CRYBG1: variants seen among roughly 807,000 people sequenced by gnomAD.
CRYBG1 encodes the protein beta/gamma crystallin domain-containing protein 1.
CRYBG1 carries 139 observed loss-of-function variants against 189.2 expected under a neutral mutation model. The ratio of observed to expected loss-of-function variants is 0.73; its 90% CI spans 0.64 to 0.85. The LOEUF (loss-of-function observed/expected upper bound fraction) is 0.85, where lower values mean the gene tolerates loss of function less well. Ranked by LOEUF, CRYBG1 falls within the 40% of genes least tolerant of loss-of-function variation. The probability of loss-of-function intolerance (pLI) is 0.00; values close to 1 mark genes in which losing one functional copy is unlikely to be tolerated. For synonymous variants in CRYBG1, 1,023 were observed against 1,017.1 expected (o/e 1.01, Z -0.11); for missense variants, 2,611 against 2,675.8 (o/e 0.98, Z 0.53).
At chr6:106,426,711 A>G (rs546838177) in intron 1 of CRYBG1, among the ~76,000 whole-genome samples, 2 of 152,318 alleles carry the variant, frequency 1.3e-5, no homozygotes, top group South Asian at 2.1e-4. Flanking sequence ...TGTTCCCTGC[A>G]CGCAGCTGGC....
At chr6:106,409,435 T>C (rs1770884332) in intron 1 of CRYBG1, among the ~76,000 whole-genome samples, 1 of 152,088 alleles carries the variant, frequency 6.6e-6, no homozygotes, top group South Asian at 2.1e-4. Context: ...ATTGTGAAAA[T>C]GGCCATACTT....
chr6:106,443,827 T>C (rs1771608961), intron 1 of CRYBG1, among the ~76,000 whole-genome samples: 1 of 152,224 alleles, frequency 6.6e-6, no homozygotes, highest in Non-Finnish European at 1.5e-5. Context: ...AAATGGGGTA[T>C]CTTTCACCTC....
At chr6:106,517,339 T>TACAC (rs201866667) in intron 3 of CRYBG1, among the ~76,000 whole-genome samples, 1 of 127,578 alleles carries the variant, frequency 7.8e-6, no homozygotes, top group African/African-American at 2.9e-5. Flanking sequence ...CACATATATA[T>TACAC]ATACACACAC....
intron 2 of CRYBG1, among the ~76,000 whole-genome samples, chr6:106,483,408 T>TGTATATA (rs1241386087): frequency 8.2e-6 from 1 of 121,544 alleles, no homozygotes. Context: ...ATATAAAACA[T>TGTATATA]TTTCTTTATC....
At chr6:106,507,734 G>T (rs1008763119) in intron 2 of CRYBG1, among the ~76,000 whole-genome samples, 4 of 152,130 alleles carry the variant, frequency 2.6e-5, no homozygotes, top group Non-Finnish European at 4.4e-5. Context: ...ACAATTCCTG[G>T]TTGAAAAGAA....
chr6:106,384,996 C>G (rs1172080231), intron 1 of CRYBG1, among the ~76,000 whole-genome samples: 1 of 152,096 alleles, frequency 6.6e-6, no homozygotes, highest in Non-Finnish European at 1.5e-5. Context: ...GCCACTTTAT[C>G]TGCCGACTTG....
In CRYBG1 at chr6:106,451,793, G is replaced by A. The variant is rs9486348; in HGVS notation, c.273G>A (p.Ala91=). ...ESQFFHTTSE[A]LGSLLLESGI... is the part of the protein sequence containing the mutation. ...AGTTCTTCCACACCACCAGTGAGGC[G>A]CTTGGTTCCTTACTTCTAGAGTCTG... is the stretch of plus-strand genomic sequence containing the variant. The change falls in exon 2 of 22, where the codon GCG becomes GCA. Residue 91 remains alanine (A), a synonymous_variant. Coordinates refer to ENST00000633556, the MANE Select transcript of CRYBG1 (RefSeq NM_001371242.2). The A allele has an allele frequency of 2.8e-3, 4,329 of 1,534,794 alleles. 108 individuals are homozygous for A. The African/African-American group carries it at 0.052, about 18-fold the overall frequency.
At chr6:106,417,725 C>T (rs769223172) in intron 1 of CRYBG1, among the ~76,000 whole-genome samples, 14 of 152,344 alleles carry the variant, frequency 9.2e-5, no homozygotes, top group African/African-American at 2.4e-4. Flanking sequence ...TGTGAGAGAG[C>T]GAGTGCAGGA....
chr6:106,563,742 T>C (rs968311810), intron 20 of CRYBG1, 22 bp from the exon 21 acceptor site: 6 of 1,584,714 alleles, frequency 3.8e-6, no homozygotes, highest in Non-Finnish European at 5.2e-6. Context: ...ATTTAAGATA[T>C]CTGGTCTTTT....
chr6:106,436,714 G>A (rs1238700809), intron 1 of CRYBG1, among the ~76,000 whole-genome samples: 2 of 152,068 alleles, frequency 1.3e-5, no homozygotes, highest in Admixed American at 6.5e-5. Context: ...ACCTGAATGG[G>A]TTTTTTGCAA....
intron 1 of CRYBG1, among the ~76,000 whole-genome samples, chr6:106,370,324 G>T (rs1159114276): frequency 6.6e-6 from 1 of 152,180 alleles, no homozygotes; most frequent in Admixed American, 6.5e-5. Context: ...CCTGACACAG[G>T]CAGGAGAATG....
chr6:106,473,487 C>T (rs1405720869), intron 2 of CRYBG1, among the ~76,000 whole-genome samples: 1 of 152,100 alleles, frequency 6.6e-6, no homozygotes, highest in Middle Eastern at 3.2e-3. Context: ...TTCCTTGCTC[C>T]CTCAGCTGAG....
rs139631681 is a variant in CRYBG1 at position 106,533,135 on chromosome 6, G to T, written c.4718+2820G>T. On this transcript the variant is annotated intron_variant, in intron 8 of 21. Coordinates refer to ENST00000633556, the MANE Select transcript of CRYBG1 (RefSeq NM_001371242.2). ...GAGGGGCAGGCATGTTGCTATTTTA[G>T]ATAGGGTAGCTAGTAAAGGACTCTG... Among the ~76,000 whole-genome samples, 3 of 152,310 alleles carry T rather than the reference G, an allele frequency of 2.0e-5. No individual in the cohort carries two copies. In the East Asian group the frequency reaches 5.8e-4, roughly 29 times the overall value.
At chr6:106,567,612 T>C (rs1450696761) in intron 21 of CRYBG1, among the ~76,000 whole-genome samples, 1 of 152,152 alleles carries the variant, frequency 6.6e-6, no homozygotes, top group Non-Finnish European at 1.5e-5. Context: ...TCTTTGTTGA[T>C]ACATCCTTGG....
intron 8 of CRYBG1, among the ~76,000 whole-genome samples, chr6:106,534,254 G>T (rs1582823417): frequency 6.6e-6 from 1 of 152,124 alleles, no homozygotes; most frequent in African/African-American, 2.4e-5. Context: ...GTTTAGCTTT[G>T]CCTCCTGGGT....
intron 13 of CRYBG1, among the ~76,000 whole-genome samples, chr6:106,551,257 A>G (rs1676008): frequency 0.88 from 134,300 of 152,142 alleles, 59,712 homozygotes; most frequent in South Asian, 0.96. Flanking sequence ...TTGCTCATAA[A>G]TATTTGGTAT....
intron 1 of CRYBG1, among the ~76,000 whole-genome samples, chr6:106,408,606 T>C (rs898756735): frequency 1.3e-5 from 2 of 152,162 alleles, no homozygotes; most frequent in Admixed American, 1.3e-4. Context: ...TGAACATTGA[T>C]GTGAAAATCC....
intron 2 of CRYBG1, among the ~76,000 whole-genome samples, chr6:106,508,389 A>C (rs1773174527): frequency 6.6e-6 from 1 of 152,218 alleles, no homozygotes; most frequent in South Asian, 2.1e-4. Flanking sequence ...GTTTTGAAAG[A>C]TAAGTACTCA....
intron 11 of CRYBG1, among the ~76,000 whole-genome samples, chr6:106,543,838 G>A (rs1056678485): frequency 2.6e-5 from 4 of 152,182 alleles, no homozygotes; most frequent in Non-Finnish European, 5.9e-5. Context: ...GATCACCTGA[G>A]GTCAGGAGTT....
Sources: allele counts gnomAD v4.1 joint callset (sites outside exome capture counted in the v4.1 genomes callset), GRCh38; gene constraint gnomAD v4.1.1; transcripts MANE v1.5; gene names NCBI Gene and HGNC (gene_info 2026-07-23, HGNC 2026-07-21).